Variants in FAM81A observed in about 807,000 individuals in gnomAD.
FAM81A encodes the protein family with sequence similarity 81 member A, also known as protein FAM81A.
A neutral mutation model predicts 46.7 loss-of-function variants in FAM81A; 19 were observed. The observed-to-expected ratio is 0.41, with a 90% CI of 0.28 to 0.60. FAM81A has a LOEUF of 0.60. FAM81A is among the 20% of genes least tolerant of loss of function. FAM81A has a pLI of 0.34. For missense variants in FAM81A, 377 were observed against 453.5 expected, an observed-to-expected ratio of 0.83 and a Z score of 1.53; for synonymous variants, 183 against 152.9, an observed-to-expected ratio of 1.20 and a Z score of -1.45.
chr15:59,415,501 G>A (rs935931782), intron 2 of FAM81A, among the ~76,000 whole-genome samples: 1 of 152,214 alleles, frequency 6.6e-6, no homozygotes, highest in Non-Finnish European at 1.5e-5. Flanking sequence ...CAGGGAGGCA[G>A]ACGAGAGGCT....
intron 2 of FAM81A, among the ~76,000 whole-genome samples, chr15:59,423,199 G>A (rs762595724): frequency 5.9e-5 from 9 of 152,110 alleles, no homozygotes; most frequent in Non-Finnish European, 1.0e-4. Flanking sequence ...CCAAGTTCAC[G>A]CCATTCTCCT....
intron 3 of FAM81A, among the ~76,000 whole-genome samples, chr15:59,478,431 G>T (rs997442032): frequency 1.3e-5 from 2 of 152,184 alleles, no homozygotes; most frequent in African/African-American, 4.8e-5. Context: ...TTACTAACAT[G>T]GGAAAGCAGG....
At chr15:59,454,757 C>T (rs1173512274) in intron 1 of FAM81A, among the ~76,000 whole-genome samples, 1 of 152,014 alleles carries the variant, frequency 6.6e-6, no homozygotes, top group African/African-American at 2.4e-5. Context: ...TCCCGGGTAG[C>T]TGGGACTACA....
At chr15:59,490,090 A>G (rs1459343749) in intron 3 of FAM81A, among the ~76,000 whole-genome samples, 1 of 152,020 alleles carries the variant, frequency 6.6e-6, no homozygotes, top group East Asian at 1.9e-4. Context: ...AAACCTTCAC[A>G]TGTACCCTGA....
upstream of FAM81A, chr15:59,438,073 C>T (rs1167144654): frequency 1.4e-5 from 2 of 147,448 alleles, no homozygotes; most frequent in African/African-American, 4.9e-5. Flanking sequence ...GAAGCGGCTC[C>T]GGCGGCGCGC....
At chr15:59,519,953 T>A (rs1229863616) in intron 8 of FAM81A, among the ~76,000 whole-genome samples, 1 of 152,148 alleles carries the variant, frequency 6.6e-6, no homozygotes, top group Non-Finnish European at 1.5e-5. Context: ...GGTCGTATGG[T>A]AGTTCTATTT....
chr15:59,457,506 C>A lies in FAM81A; in HGVS notation c.-77-1044C>A, dbSNP rs564231908. ...AGAAAAGAATAGTATATATAGGCTTCGGTTTCAGGCATCCACTGGGGGTCT... is the reference window on the plus strand; with the variant it reads ...AGAAAAGAATAGTATATATAGGCTTAGGTTTCAGGCATCCACTGGGGGTCT... On this transcript the variant is annotated intron_variant, in intron 1 of 8. Coordinates refer to ENST00000288228, the MANE Select transcript of FAM81A (RefSeq NM_152450.3). 1.7e-3 allele frequency among the ~76,000 whole-genome samples: 257 copies of A among 152,268 alleles called. 1 individual carries two copies. Among genetic ancestry groups the A allele is most frequent in the African/African-American group, 5.7e-3 (238 of 41,548 alleles).
intron 2 of FAM81A, among the ~76,000 whole-genome samples, chr15:59,422,470 A>G (rs1476975456): frequency 6.6e-6 from 1 of 151,626 alleles, no homozygotes; most frequent in African/African-American, 2.4e-5. Flanking sequence ...CTTTCTTTTT[A>G]TTTTATTTTA....
intron 2 of FAM81A, among the ~76,000 whole-genome samples, chr15:59,430,377 G>A (rs556849713): frequency 6.9e-6 from 1 of 144,930 alleles, no homozygotes; most frequent in East Asian, 2.1e-4. Context: ...CAATTCTCCT[G>A]CCTCAGCCTC....
At chr15:59,430,358 G>A (rs1013995285) in intron 2 of FAM81A, among the ~76,000 whole-genome samples, 9 of 148,450 alleles carry the variant, frequency 6.1e-5, no homozygotes, top group African/African-American at 2.3e-4. Flanking sequence ...TCCGCCTCCC[G>A]GGTTCAAGCA....
intron 8 of FAM81A, among the ~76,000 whole-genome samples, chr15:59,518,046 C>T (rs2082285313): frequency 6.6e-6 from 1 of 150,892 alleles, no homozygotes. Flanking sequence ...GATCTTGGCT[C>T]ACTGCAACCT....
chr15:59,486,898 A>G (rs2081923295), intron 3 of FAM81A, among the ~76,000 whole-genome samples: 1 of 152,136 alleles, frequency 6.6e-6, no homozygotes, highest in African/African-American at 2.4e-5. Flanking sequence ...GAGTTCTTCA[A>G]CATTCAAGAA....
chr15:59,501,020 G>C (rs1364026881), intron 4 of FAM81A, among the ~76,000 whole-genome samples: 1 of 151,858 alleles, frequency 6.6e-6, no homozygotes, highest in Non-Finnish European at 1.5e-5. Context: ...ACAGGCAGTT[G>C]GTTTACCTGT....
Position 59,521,311 on chromosome 15 carries a change from T to A in FAM81A, c.1040T>A (p.Met347Lys). The A allele has an allele frequency of 6.2e-7, 1 of 1,613,862 alleles. No individual in the cohort carries two copies. The highest frequency in any genetic ancestry group is 2.2e-5 in the East Asian group (1 of 44,862). ...CTCAGGCAAGTTCTCGAGGCCAAGA[T>A]GAAGCTGGACAGGGACCAGCTACAG... ...GSLRQVLEAK[M>K]KLDRDQLQKQ... The change falls in exon 9 of 9, where the codon ATG (methionine) becomes AAG (lysine). Residue 347 changes from methionine (M) to lysine (K), a missense_variant. By Grantham distance (95) the Met-to-Lys change is moderately conservative (BLOSUM62 -1). Transcript: ENST00000288228.
At chr15:59,499,571 AT>A (rs1477908003) in intron 4 of FAM81A, among the ~76,000 whole-genome samples, 30 of 152,088 alleles carry the variant, frequency 2.0e-4, no homozygotes, top group African/African-American at 7.2e-4. Context: ...TTCGTTTGGT[AT>A]TTCTTCTAGC....
At chr15:59,422,103 T>G (rs758006189) in intron 2 of FAM81A, among the ~76,000 whole-genome samples, 1 of 152,130 alleles carries the variant, frequency 6.6e-6, no homozygotes. Flanking sequence ...TATTTTTAAG[T>G]GGGCCAGGCA....
chr15:59,461,397 T>C (rs2081549488), intron 3 of FAM81A, among the ~76,000 whole-genome samples: 1 of 152,206 alleles, frequency 6.6e-6, no homozygotes, highest in African/African-American at 2.4e-5. Flanking sequence ...CCGATCCTCC[T>C]GCATCGGCGT....
At chr15:59,496,283 C>G (rs555763155) in intron 4 of FAM81A, among the ~76,000 whole-genome samples, 2 of 152,248 alleles carry the variant, frequency 1.3e-5, no homozygotes, top group Admixed American at 1.3e-4. Context: ...ATTCTTTCCC[C>G]CATCAAATGG....
At chr15:59,490,885 A>T (rs1403911775) in intron 3 of FAM81A, among the ~76,000 whole-genome samples, 1 of 152,174 alleles carries the variant, frequency 6.6e-6, no homozygotes, top group Admixed American at 6.5e-5. Flanking sequence ...CCCAGTTAAA[A>T]TGGCTTTTAT....
Sources: gnomAD v4.1 joint callset for allele counts (sites outside exome capture counted in the v4.1 genomes callset) on GRCh38, gnomAD v4.1.1 for gene constraint, MANE v1.5 for transcripts, NCBI Gene and HGNC (gene_info 2026-07-23, HGNC 2026-07-21) for gene names.